DMD: variants seen among roughly 807,000 people sequenced by gnomAD.
DMD encodes dystrophin.
DMD carries 63 observed loss-of-function variants against 330.1 expected under a neutral mutation model. That is an observed-to-expected ratio of 0.19 (90% CI 0.16 to 0.24). The LOEUF is 0.24. DMD is among the 10% of genes least tolerant of loss of function. The probability of loss-of-function intolerance (pLI) is 1.00; values close to 1 mark genes in which losing one functional copy is unlikely to be tolerated. For synonymous variants in DMD, 1,223 were observed against 959.8 expected, an observed-to-expected ratio of 1.27 and a Z score of -5.07; for missense variants, 3,344 against 2,684.1, an observed-to-expected ratio of 1.25 and a Z score of -5.43.
rs781167058 is a variant in DMD, at chrX:31,372,898, T to C, written c.9085-24264A>G. Among the ~76,000 whole-genome samples, 667 of 111,702 alleles carry C rather than the reference T, an allele frequency of 6.0e-3. 5 individuals are homozygous for C. Among genetic ancestry groups the C allele is most frequent in the African/African-American group, 0.021 (634 of 30,713 alleles). ...AAGTCAAATTGTCCCTGTTTGCAGA[T>C]GACATGATTGTATATCTAGAAAACC... On this transcript the variant is annotated intron_variant, in intron 60 of 78. Transcript: ENST00000357033.
intron 50 of DMD, among the ~76,000 whole-genome samples, chrX:31,798,344 T>C: frequency 9.1e-6 from 1 of 110,366 alleles, no homozygotes; most frequent in Non-Finnish European, 1.9e-5. Context: ...GAGTTGTCAC[T>C]CAAGCACTGA....
rs374664589 is a variant in DMD at position 32,690,183 on chromosome X, C to T, written c.960+7687G>A. 7.2e-5 allele frequency among the ~76,000 whole-genome samples: 8 copies of T among 110,413 alleles called. No homozygotes were observed. In the East Asian group the frequency reaches 2.0e-3, roughly 27 times the overall value. On this transcript the variant is annotated intron_variant, in intron 9 of 78. Coordinates refer to ENST00000357033, the MANE Select transcript of DMD (RefSeq NM_004006.3). ...TAGAATCCATTAAAAACACTAGAACCAATTTAAAAATCAGTAAAGTTGTAG... is the reference window on the plus strand; with the variant it reads ...TAGAATCCATTAAAAACACTAGAACTAATTTAAAAATCAGTAAAGTTGTAG...
At chrX:32,853,939 T>G (rs2149041584) in intron 2 of DMD, among the ~76,000 whole-genome samples, 1 of 110,989 alleles carries the variant, frequency 9.0e-6, no homozygotes, top group East Asian at 2.8e-4. Context: ...TATTCTTACA[T>G]CAAACAAAAT....
At chrX:32,802,452 G>T (rs2076644064) in intron 7 of DMD, among the ~76,000 whole-genome samples, 1 of 111,004 alleles carries the variant, frequency 9.0e-6, no homozygotes, top group Non-Finnish European at 1.9e-5. Flanking sequence ...TGCAAACAGA[G>T]AATTTGAATA....
At chrX:31,252,500 G>C (rs1603229433) in intron 63 of DMD, among the ~76,000 whole-genome samples, 1 of 111,310 alleles carries the variant, frequency 9.0e-6, no homozygotes, top group African/African-American at 3.3e-5. Flanking sequence ...GGAAAGAAGG[G>C]AAAAGTTGCC....
chrX:33,032,729 G>C (rs1025562411), intron 1 of DMD, among the ~76,000 whole-genome samples: 1 of 112,416 alleles, frequency 8.9e-6, no homozygotes, highest in Non-Finnish European at 1.9e-5. Flanking sequence ...AACAATTTAA[G>C]TGGAAAATAA....
At chrX:31,425,834 C>T (rs2063688076) in intron 60 of DMD, among the ~76,000 whole-genome samples, 1 of 111,675 alleles carries the variant, frequency 9.0e-6, no homozygotes, top group Non-Finnish European at 1.9e-5. Flanking sequence ...CAAGAGAATC[C>T]CAGAGAAGCT....
chrX:32,790,853 G>T (rs2075764267), intron 7 of DMD, among the ~76,000 whole-genome samples: 1 of 111,445 alleles, frequency 9.0e-6, no homozygotes, highest in African/African-American at 3.3e-5. Flanking sequence ...CCACAGTGTA[G>T]CCAACACTGC....
chrX:31,216,039 G>A (rs2045373041), intron 64 of DMD, among the ~76,000 whole-genome samples: 1 of 112,589 alleles, frequency 8.9e-6, no homozygotes, highest in African/African-American at 3.2e-5. Flanking sequence ...CATGTCTGGT[G>A]GGCCAAGGGG....
chrX:32,986,982 A>T (rs893592036), intron 2 of DMD, among the ~76,000 whole-genome samples: 1 of 111,954 alleles, frequency 8.9e-6, no homozygotes, highest in Non-Finnish European at 1.9e-5. Flanking sequence ...ACTGTGAAAA[A>T]CTAGTACCCA....
intron 44 of DMD, among the ~76,000 whole-genome samples, chrX:32,004,352 C>T (rs779865976): frequency 9.0e-6 from 1 of 111,415 alleles, no homozygotes. Context: ...TTGACAGAAC[C>T]AACAAGATGC....
intron 44 of DMD, among the ~76,000 whole-genome samples, chrX:32,084,683 T>C (rs1211763924): frequency 8.9e-6 from 1 of 111,739 alleles, no homozygotes; most frequent in Admixed American, 9.6e-5. Flanking sequence ...ATTGGATACT[T>C]AGTAGCTCAG....
intron 74 of DMD, among the ~76,000 whole-genome samples, chrX:31,156,296 T>A (rs975209860): frequency 8.9e-6 from 1 of 112,154 alleles, no homozygotes; most frequent in Non-Finnish European, 1.9e-5. Context: ...TATAAGACAT[T>A]TACATTTTAC....
At chrX:31,764,335 T>C (rs1477215964) in intron 51 of DMD, among the ~76,000 whole-genome samples, 1 of 111,606 alleles carries the variant, frequency 9.0e-6, no homozygotes, top group Admixed American at 9.6e-5. Flanking sequence ...CTTGAGTAAG[T>C]GTGGTAAAGT....
intron 12 of DMD, 69 bp from the exon 13 acceptor site, chrX:32,595,945 T>C: frequency 3.1e-6 from 3 of 965,327 alleles, no homozygotes; most frequent in Non-Finnish European, 4.4e-6. Context: ...TGATTTGCTC[T>C]CAAATGGTGA....
At chrX:32,045,726 TAA>T (rs952888763) in intron 44 of DMD, among the ~76,000 whole-genome samples, 9 of 112,142 alleles carry the variant, frequency 8.0e-5, no homozygotes, top group South Asian at 3.7e-4. Context: ...CTCTTTGATA[TAA>T]GTGTTCAATT....
At chrX:31,686,475 C>T (rs2082695720) in intron 52 of DMD, among the ~76,000 whole-genome samples, 1 of 112,142 alleles carries the variant, frequency 8.9e-6, no homozygotes, top group African/African-American at 3.2e-5. Context: ...CTATTCCAGG[C>T]GAACAAATGT....
chrX:32,293,762 T>A (rs978871611), intron 42 of DMD, among the ~76,000 whole-genome samples: 2 of 111,580 alleles, frequency 1.8e-5, no homozygotes, highest in African/African-American at 6.5e-5. Flanking sequence ...GTCATTCATA[T>A]CCCAAATCTC....
At chrX:33,025,117 G>T (rs1220446899) in intron 1 of DMD, among the ~76,000 whole-genome samples, 3 of 111,920 alleles carry the variant, frequency 2.7e-5, no homozygotes, top group Non-Finnish European at 5.6e-5. Flanking sequence ...TATTATAGGA[G>T]CATGGAGAAA....
Sources: allele counts gnomAD v4.1 joint callset (sites outside exome capture counted in the v4.1 genomes callset), GRCh38; gene constraint gnomAD v4.1.1; transcripts MANE v1.5; gene names NCBI Gene and HGNC (gene_info 2026-07-23, HGNC 2026-07-21).